The following TXK variants were observed in gnomAD, a reference collection of about 807,000 sequenced individuals.
TXK encodes the protein TXK tyrosine kinase, also known as tyrosine-protein kinase TXK.
A neutral mutation model predicts 81.0 loss-of-function variants in TXK; 60 were observed. The observed-to-expected ratio is 0.74, with a 90% CI of 0.60 to 0.92. TXK has a LOEUF of 0.92. Ranked by LOEUF, TXK falls within the 40% of genes least tolerant of loss-of-function variation. The pLI, the probability that TXK is intolerant of heterozygous loss-of-function variation, is 0.00. For synonymous variants in TXK, 203 were observed against 210.7 expected, an observed-to-expected ratio of 0.96 and a Z score of 0.32; for missense variants, 581 against 638.3, an observed-to-expected ratio of 0.91 and a Z score of 0.97.
chr4:48,096,952 T>C (rs113925954), intron 6 of TXK, among the ~76,000 whole-genome samples: 21 of 152,228 alleles, frequency 1.4e-4, no homozygotes, highest in African/African-American at 5.1e-4. Flanking sequence ...CTCAGAAAAA[T>C]AAATTTATAG....
chr4:48,117,947 A>G (rs1718854913), intron 1 of TXK, among the ~76,000 whole-genome samples: 1 of 152,134 alleles, frequency 6.6e-6, no homozygotes, highest in Non-Finnish European at 1.5e-5. Flanking sequence ...AGAAAAAGCT[A>G]ACTCCCTCCA....
At chr4:48,097,682 C>T (rs556674989) in intron 6 of TXK, among the ~76,000 whole-genome samples, 74 of 151,236 alleles carry the variant, frequency 4.9e-4, no homozygotes, top group African/African-American at 1.7e-3. Context: ...GAGATCTGCC[C>T]GCCTCAGCCT....
At position 48,134,146 on chromosome 4, in the gene TXK, C is replaced by G. The variant is rs1353370472; in HGVS notation, c.16+9G>C. On this transcript the variant is annotated intron_variant, in intron 1 of 14. Coordinates refer to ENST00000264316, the MANE Select transcript of TXK (RefSeq NM_003328.3). ...CCCAAAAATAAATGACAAAGCCCATCTTACTCACAGGAGGAAAGGATCATG... is the reference window on the plus strand; with the variant it reads ...CCCAAAAATAAATGACAAAGCCCATGTTACTCACAGGAGGAAAGGATCATG... 1.9e-6 allele frequency: 3 copies of G among 1,613,242 alleles called. No individual in the cohort carries two copies. The highest frequency in any genetic ancestry group is 1.1e-5 in the South Asian group (1 of 90,816).
At chr4:48,113,524 G>A (rs768687654) in intron 2 of TXK, among the ~76,000 whole-genome samples, 9 of 152,202 alleles carry the variant, frequency 5.9e-5, no homozygotes, top group Admixed American at 5.2e-4. Context: ...AGAGCATAGA[G>A]TTGTTATAAA....
chr4:48,086,985 G>GTT (rs5858104), intron 9 of TXK, among the ~76,000 whole-genome samples: 15 of 151,314 alleles, frequency 9.9e-5, no homozygotes, highest in East Asian at 1.9e-4. Context: ...TCCCAGTCTG[G>GTT]TTTTTTTTTC....
In TXK at chr4:48,112,164, G is replaced by T. The variant is rs896206594; in HGVS notation, c.380+143C>A. Reference sequence around the variant, plus strand: ...TTCTGAGACTCTGCCTGAAATCACTGTTCTCTCATTCTCTCACACATCCTG... The same window carrying T: ...TTCTGAGACTCTGCCTGAAATCACTTTTCTCTCATTCTCTCACACATCCTG... On this transcript the variant is annotated intron_variant, in intron 4 of 14. Coordinates refer to ENST00000264316, the MANE Select transcript of TXK (RefSeq NM_003328.3). 2.0e-5 allele frequency: 15 copies of T among 754,384 alleles called. No individual in the cohort carries two copies. The African/African-American group carries it at 2.4e-4, about 12-fold the overall frequency. 46.7% of individuals were successfully genotyped at this position (754,384 alleles called of 1,614,324 possible). A position where few individuals can be genotyped will look rare whatever the true frequency, so the allele number is the denominator to read the frequency against.
At position 48,076,464 on chromosome 4, in the gene TXK, C is replaced by A. The variant is rs750654520; in HGVS notation, c.1176G>T (p.Ala392=). 12 of 1,608,906 alleles carry A rather than the reference C, an allele frequency of 7.5e-6. No individual in the cohort carries two copies. Among genetic ancestry groups the A allele is most frequent in the Non-Finnish European group, 1.0e-5 (12 of 1,178,608 alleles). The stretch of plus-strand genomic sequence containing the variant: ...TTGAACTGACCAAACAATTCCTTGC[C>A]GCCTATGGAAAGAAGAAAAGAATCC... ...ERNGYIHRDL[A]ARNCLVSSTC... Residue 392 remains alanine (A), a splice_region_variant and synonymous_variant, in exon 12 of 15, where the codon GCG becomes GCT. Coordinates refer to ENST00000264316, the MANE Select transcript of TXK (RefSeq NM_003328.3).
At chr4:48,113,864 A>G (rs1049925449) in intron 2 of TXK, among the ~76,000 whole-genome samples, 8 of 152,188 alleles carry the variant, frequency 5.3e-5, no homozygotes, top group Non-Finnish European at 1.2e-4. Context: ...TAATAAACAT[A>G]AATCTTTTAG....
chr4:48,128,689 C>T (rs568589028), intron 1 of TXK, among the ~76,000 whole-genome samples: 17 of 151,278 alleles, frequency 1.1e-4, no homozygotes, highest in East Asian at 1.9e-4. Flanking sequence ...CTCAGCCTCC[C>T]GAGTAGCTGG....
At chr4:48,070,186 GAC>G (rs1716781210) in intron 14 of TXK, among the ~76,000 whole-genome samples, 1 of 152,174 alleles carries the variant, frequency 6.6e-6, no homozygotes, top group Non-Finnish European at 1.5e-5. Flanking sequence ...GCTGGAAAGA[GAC>G]CAAAGCTCTC....
intron 1 of TXK, among the ~76,000 whole-genome samples, chr4:48,117,483 T>C (rs138590012): frequency 2.3e-4 from 35 of 152,330 alleles, no homozygotes; most frequent in Non-Finnish European, 3.8e-4. Context: ...CCCAGCTACA[T>C]TGACCCCCTT....
chr4:48,094,070 C>T lies in TXK; in HGVS notation c.709+7G>A. 6.2e-7 allele frequency: 1 copy of T among 1,613,228 alleles called. No individual in the cohort carries two copies. Among genetic ancestry groups the T allele is most frequent in the Non-Finnish European group, 8.5e-7 (1 of 1,180,030 alleles). On this transcript the variant is annotated splice_region_variant and intron_variant, in intron 8 of 14. Coordinates refer to ENST00000264316, the MANE Select transcript of TXK (RefSeq NM_003328.3). The stretch of plus-strand genomic sequence containing the variant: ...CTGACTCACCCAGCTGGAAGTTCCC[C>T]TCTTACCGGCTGCATTGTGCTGGTG...
rs533556508 is a variant in TXK at position 48,078,480 on chromosome 4, C to T, written c.1173+1432G>A. On this transcript the variant is annotated intron_variant, in intron 11 of 14. Transcript: ENST00000264316. ...ATTTCTCATAGACTTCTCCAATTCT[C>T]ATTTGAGTTAATTTTTAGATTTAGA... Among the ~76,000 whole-genome samples the T allele has an allele frequency of 3.3e-5, 5 of 152,278 alleles. No individual in the cohort carries two copies. In the South Asian group the frequency reaches 1.0e-3, roughly 32 times the overall value.
At chr4:48,086,027 G>A (rs1445987493) in intron 10 of TXK, among the ~76,000 whole-genome samples, 1 of 152,176 alleles carries the variant, frequency 6.6e-6, no homozygotes, top group Non-Finnish European at 1.5e-5. Flanking sequence ...AGCTAAAAGA[G>A]CATTGTAACA....
At position 48,080,121 on chromosome 4, in the gene TXK, A is replaced by ATAAT; in HGVS notation, c.960_963dup (p.Ser322IlefsTer33). Reference sequence around the variant, plus strand: ...TAAAGTTGCACTAGCTTTGAATGAGATAATTTCCTGGTGAAGAAAAACATA... The same window carrying ATAAT: ...TAAAGTTGCACTAGCTTTGAATGAGATAATTAATTTCCTGGTGAAGAAAAACATA... On this transcript the variant is annotated frameshift_variant, in exon 11 of 15. Coordinates refer to ENST00000264316, the MANE Select transcript of TXK (RefSeq NM_003328.3). LOFTEE classifies it high-confidence loss of function. The ATAAT allele has an allele frequency of 2.5e-6, 4 of 1,611,994 alleles. No homozygotes were observed. The highest frequency in any genetic ancestry group is 3.4e-6 in the Non-Finnish European group (4 of 1,178,136).
chr4:48,070,994 G>T (rs1716827314), intron 14 of TXK, among the ~76,000 whole-genome samples: 2 of 148,500 alleles, frequency 1.3e-5, no homozygotes, highest in Non-Finnish European at 3.0e-5. Flanking sequence ...CGCCTCCCAG[G>T]TTCAAGATTC....
chr4:48,110,661 G>T, intron 4 of TXK, 58 bp from the exon 5 acceptor site: 1 of 1,303,842 alleles, frequency 7.7e-7, no homozygotes, highest in South Asian at 1.2e-5. Flanking sequence ...GCATTATCAT[G>T]GCAACAATCC....
intron 6 of TXK, 84 bp from the exon 7 acceptor site, chr4:48,095,306 AT>A: frequency 9.9e-7 from 1 of 1,014,136 alleles, no homozygotes; most frequent in Non-Finnish European, 1.5e-6. Flanking sequence ...TCAAAGCTAT[AT>A]TGACTTACCA....
chr4:48,120,010 T>C (rs1412198508), intron 1 of TXK, among the ~76,000 whole-genome samples: 2 of 151,966 alleles, frequency 1.3e-5, no homozygotes, highest in African/African-American at 2.4e-5. Context: ...AATTCAAAAT[T>C]TTAAAAATAC....
Sources: allele counts gnomAD v4.1 joint callset (sites outside exome capture counted in the v4.1 genomes callset), GRCh38; gene constraint gnomAD v4.1.1; transcripts MANE v1.5; gene names NCBI Gene and HGNC (gene_info 2026-07-23, HGNC 2026-07-21).